The following FAM120AOS variants were observed in gnomAD, a reference collection of about 807,000 sequenced individuals.
FAM120AOS encodes family with sequence similarity 120 member A opposite strand, also known as uncharacterized protein FAM120AOS.
FAM120AOS carries 15 observed loss-of-function variants against 20.2 expected under a neutral mutation model. That is an observed-to-expected ratio of 0.74 (90% confidence interval 0.50 to 1.15). The LOEUF (loss-of-function observed/expected upper bound fraction) is 1.15, where lower values mean the gene tolerates loss of function less well. Ranked by LOEUF, FAM120AOS falls within the 50% of genes most tolerant of loss-of-function variation. FAM120AOS has a pLI of 0.00. For synonymous variants in FAM120AOS, 154 were observed against 154.0 expected, an observed-to-expected ratio of 1.00 and a Z score of 0.00; for missense variants, 327 against 351.9, an observed-to-expected ratio of 0.93 and a Z score of 0.57.
Position 93,453,380 on chromosome 9 carries a change from C to G in FAM120AOS, c.-671G>C. ...AGATAAGCACATCCATGATCCTGGA[C>G]TTCACGTTCTGATTGCTTGCTTTTT... is the stretch of plus-strand genomic sequence containing the variant. On this transcript the variant is annotated 5_prime_UTR_variant, in exon 1 of 3. Coordinates refer to ENST00000375412, the MANE Select transcript of FAM120AOS (RefSeq NM_198841.4). The G allele has an allele frequency of 3.0e-6, 3 of 985,494 alleles. No homozygotes were observed. Among genetic ancestry groups the G allele is most frequent in the Non-Finnish European group, 3.6e-6 (3 of 829,972 alleles). The allele number at this position is 985,494 out of a possible 1,614,324, so 61.0% of individuals were successfully genotyped here.
At position 93,453,541 on chromosome 9, in the gene FAM120AOS, T is replaced by C; in HGVS notation, c.-832A>G. 1 of 985,444 alleles carries C rather than the reference T, an allele frequency of 1.0e-6. No homozygotes were observed. The highest frequency in any genetic ancestry group is 1.2e-6 in the Non-Finnish European group (1 of 829,936). 61.0% of individuals were successfully genotyped at this position (985,444 alleles called of 1,614,324 possible). A position where few individuals can be genotyped will look rare whatever the true frequency, so the allele number is the denominator to read the frequency against. On this transcript the variant is annotated 5_prime_UTR_variant, in exon 1 of 3. Transcript: ENST00000375412. ...AGTTTGTGAAATTCTGTCTTCGCGG[T>C]TGCCCCCACTGCCCGCGAGGAGATG...
At position 93,452,228 on chromosome 9, in the gene FAM120AOS, C is replaced by T; in HGVS notation, c.482G>A (p.Ser161Asn). ...CAACGGCGCGCTCGAGAAGGCCCGG[C>T]TGCACGAGTGGGTCAAGCGGCAGGG... ...SLPCRLTHSC[S>N]RAFSSAPLKK... Residue 161 changes from serine (S) to asparagine (N), a missense_variant, in exon 1 of 3, where the codon AGC becomes AAC. This residue lies in a region of FAM120AOS where 86 missense variants were observed against 140.2 expected (regional missense o/e 0.61). Transcript: ENST00000375412. This position sits in a 1 kb window ranked among gnomAD's most constrained non-coding sequence, Gnocchi z 7.0. 1 of 1,611,438 alleles carries T rather than the reference C, an allele frequency of 6.2e-7. No individual in the cohort carries two copies. The highest frequency in any genetic ancestry group is 8.5e-7 in the Non-Finnish European group (1 of 1,179,510).
In FAM120AOS at chr9:93,450,546, A is replaced by G. The variant is rs1219022699; in HGVS notation, c.617T>C (p.Leu206Pro). Reference sequence around the variant, plus strand: ...CGCGTGCAGGCTCCATGTGCTGGGCAGCAGCTGTCCGGCCACAGCCTGTCG... The same window carrying G: ...CGCGTGCAGGCTCCATGTGCTGGGCGGCAGCTGTCCGGCCACAGCCTGTCG... ...CNRQAVAGQL[L>P]PSTWSLHAHG... The change falls in exon 2 of 3, where the codon CTG becomes CCG. Residue 206 changes from leucine (L) to proline (P), a missense_variant. This residue lies in a region of FAM120AOS where 86 missense variants were observed against 82.9 expected (regional missense o/e 1.04). Transcript: ENST00000375412. 1 of 1,607,186 alleles carries G rather than the reference A, an allele frequency of 6.2e-7. No homozygotes were observed. Among genetic ancestry groups the G allele is most frequent in the Non-Finnish European group, 8.5e-7 (1 of 1,176,358 alleles).
Position 93,446,675 on chromosome 9 carries a change from T to C in FAM120AOS, c.*936A>G, listed in dbSNP as rs1564289871. 6.6e-6 allele frequency: 1 copy of C among 152,192 alleles called. No individual in the cohort carries two copies. The highest frequency in any genetic ancestry group is 1.5e-5 in the Non-Finnish European group (1 of 68,058). The allele number at this position is 152,192 out of a possible 1,614,324, so 9.4% of individuals were successfully genotyped here. A position where few individuals can be genotyped will look rare whatever the true frequency, so the allele number is the denominator to read the frequency against. On this transcript the variant is annotated 3_prime_UTR_variant, in exon 3 of 3. Coordinates refer to ENST00000375412, the MANE Select transcript of FAM120AOS (RefSeq NM_198841.4). ...CCATTGATTCCATAGCAGCTCTCAC[T>C]GCCCACCCTGCTTGAGAAGCCTCTT...
intron 1 of FAM120AOS, chr9:93,450,818 A>G (rs1857118519): frequency 1.1e-6 from 1 of 919,264 alleles, no homozygotes; most frequent in Non-Finnish European, 1.7e-6. Flanking sequence ...CTTCCAGAAG[A>G]TGCTACTAAA....
chr9:93,448,499 GA>G, intron 2 of FAM120AOS: 1 of 202,804 alleles, frequency 4.9e-6, no homozygotes, highest in Non-Finnish European at 1.0e-5. Flanking sequence ...TCTTGGGGGA[GA>G]AAAAATAAAT....
At chr9:93,451,753 C>T in intron 1 of FAM120AOS, 1 of 982,726 alleles carries the variant, frequency 1.0e-6, no homozygotes, top group Non-Finnish European at 1.2e-6. Flanking sequence ...TGGGAGGCGG[C>T]AGCACATGGC....
At chr9:93,450,726 A>G in intron 1 of FAM120AOS, 127 bp from the exon 2 acceptor site, 1 of 1,399,386 alleles carries the variant, frequency 7.1e-7, no homozygotes, top group South Asian at 1.2e-5. Context: ...GTTTTATGCA[A>G]GCCTAATATA....
Position 93,453,263 on chromosome 9 carries a change from C to G in FAM120AOS, c.-554G>C, listed in dbSNP as rs963484174. 7.1e-6 allele frequency: 7 copies of G among 991,452 alleles called. No homozygotes were observed. The highest frequency in any genetic ancestry group is 1.0e-3 in the Middle Eastern group (2 of 1,964). The allele number at this position is 991,452 out of a possible 1,614,324, so 61.4% of individuals were successfully genotyped here. A position where few individuals can be genotyped will look rare whatever the true frequency, so the allele number is the denominator to read the frequency against. ...CCCTGACGGGTGGGTAATCAGAGCT[C>G]TATATCACCGGCCTCCTCTGGCCCT... On this transcript the variant is annotated 5_prime_UTR_variant, in exon 1 of 3. Transcript: ENST00000375412.
At position 93,452,032 on chromosome 9, in the gene FAM120AOS, C is replaced by T. The variant is rs887666237; in HGVS notation, c.563+115G>A. 183 of 1,565,332 alleles carry T rather than the reference C, an allele frequency of 1.2e-4. No homozygotes were observed. The highest frequency in any genetic ancestry group is 1.5e-4 in the Non-Finnish European group (175 of 1,156,014). The stretch of plus-strand genomic sequence containing the variant: ...TGGTGGGCGGCGGGCGGCAGCGGCC[C>T]CCGCAGACCCCGCTGCGCCTGCTGG... On this transcript the variant is annotated intron_variant, in intron 1 of 2. Coordinates refer to ENST00000375412, the MANE Select transcript of FAM120AOS (RefSeq NM_198841.4). The surrounding 1 kb of genome is among the most constrained non-coding windows in gnomAD (Gnocchi z 7.0).
chr9:93,453,177 C>T lies in FAM120AOS; in HGVS notation c.-468G>A. 8.0e-6 allele frequency: 8 copies of T among 1,000,702 alleles called. No homozygotes were observed. The highest frequency in any genetic ancestry group is 9.5e-6 in the Non-Finnish European group (8 of 840,382). 62.0% of individuals were successfully genotyped at this position (1,000,702 alleles called of 1,614,324 possible). The stretch of plus-strand genomic sequence containing the variant: ...AAAATCAGGGGGCGAACTACGCGGG[C>T]GTGAACTCGCAGGATTTATTTTTCG... On this transcript the variant is annotated 5_prime_UTR_variant, in exon 1 of 3. Coordinates refer to ENST00000375412, the MANE Select transcript of FAM120AOS (RefSeq NM_198841.4).
In FAM120AOS at chr9:93,450,613, AC is replaced by A; in HGVS notation, c.564-15del. On this transcript the variant is annotated splice_polypyrimidine_tract_variant and intron_variant, in intron 1 of 2. Coordinates refer to ENST00000375412, the MANE Select transcript of FAM120AOS (RefSeq NM_198841.4). ...CTACAGAGGTTTCTCCAAAAAAAGA[AC>A]AAATGGAGAGATGAAGGTAAGTAAA... 1 of 1,605,130 alleles carries A rather than the reference AC, an allele frequency of 6.2e-7. No homozygotes were observed. Among genetic ancestry groups the A allele is most frequent in the Non-Finnish European group, 8.5e-7 (1 of 1,176,544 alleles).
intron 2 of FAM120AOS, 153 bp downstream of exon 2, chr9:93,450,326 G>A (rs1012284555): frequency 4.3e-6 from 5 of 1,173,202 alleles, no homozygotes; most frequent in Admixed American, 2.7e-5. Flanking sequence ...CTGGCTTTGT[G>A]ACTAATTTTA....
rs143027778 is a variant in FAM120AOS at position 93,444,614 on chromosome 9, C to CTT, written c.*2995_*2996dup. Among the ~76,000 whole-genome samples the CTT allele has an allele frequency of 2.0e-4, 28 of 143,570 alleles. No homozygotes were observed. Among genetic ancestry groups the CTT allele is most frequent in the South Asian group, 1.6e-3 (7 of 4,480 alleles). 94.2% of individuals were successfully genotyped at this position (143,570 alleles called of 152,430 possible). On this transcript the variant is annotated 3_prime_UTR_variant, in exon 3 of 3. Transcript: ENST00000375412. ...GTTTTGAGGCCAGTAAGGAGTTCTG[C>CTT]TTTTTTTTTTTTTTCCTGAGACGGA...
Position 93,453,321 on chromosome 9 carries a change from AGAG to A in FAM120AOS, c.-615_-613del, listed in dbSNP as rs1332857479. On this transcript the variant is annotated 5_prime_UTR_variant, in exon 1 of 3. Coordinates refer to ENST00000375412, the MANE Select transcript of FAM120AOS (RefSeq NM_198841.4). Reference sequence around the variant, plus strand: ...AGGGCTTCGCAGCTGGCACTGGGCCAGAGGAGAACTTCAGGACCCAGCAGTGAC... The same window carrying A: ...AGGGCTTCGCAGCTGGCACTGGGCCAGAGAACTTCAGGACCCAGCAGTGAC... 1.4e-5 allele frequency: 14 copies of A among 986,592 alleles called. No homozygotes were observed. Among genetic ancestry groups the A allele is most frequent in the African/African-American group, 1.7e-5 (1 of 57,252 alleles). The allele number at this position is 986,592 out of a possible 1,614,324, so 61.1% of individuals were successfully genotyped here.
intron 1 of FAM120AOS, chr9:93,450,855 C>T (rs894939416): frequency 9.9e-6 from 9 of 911,362 alleles, no homozygotes; most frequent in Non-Finnish European, 1.6e-5. Context: ...CCCTCTCCCT[C>T]AGAAGAGCTG....
At chr9:93,449,623 G>A (rs1424308281) in intron 2 of FAM120AOS, among the ~76,000 whole-genome samples, 1 of 151,208 alleles carries the variant, frequency 6.6e-6, no homozygotes, top group African/African-American at 2.4e-5. Context: ...GAGTAGCTGG[G>A]ACTACAGGTG....
chr9:93,450,820 G>A, intron 1 of FAM120AOS: 1 of 911,050 alleles, frequency 1.1e-6, no homozygotes, highest in Non-Finnish European at 1.8e-6. Flanking sequence ...TCCAGAAGAT[G>A]CTACTAAAGC....
intron 1 of FAM120AOS, chr9:93,451,670 A>G (rs1356709036): frequency 4.4e-5 from 42 of 960,816 alleles, no homozygotes; most frequent in Non-Finnish European, 4.4e-5. Context: ...CCCGGCCCTC[A>G]GCCTCGGCCT....
Sources: allele counts gnomAD v4.1 joint callset (sites outside exome capture counted in the v4.1 genomes callset), GRCh38; gene constraint gnomAD v4.1.1; regional missense constraint gnomAD v4.1.1; non-coding constraint Gnocchi (gnomAD v3.1); transcripts MANE v1.5; gene names NCBI Gene and HGNC (gene_info 2026-07-23, HGNC 2026-07-21).